The following KCNAB1 variants were observed in gnomAD, a reference collection of about 807,000 sequenced individuals.
KCNAB1 encodes voltage-gated potassium channel subunit beta-1.
KCNAB1 carries 35 observed loss-of-function variants against 64.6 expected under a neutral mutation model. The ratio of observed to expected loss-of-function variants is 0.54; its 90% CI spans 0.41 to 0.72. The LOEUF (loss-of-function observed/expected upper bound fraction) is 0.72. KCNAB1 is among the 30% of genes least tolerant of loss of function. The pLI is 0.00. For synonymous variants in KCNAB1, 177 were observed against 183.8 expected, an observed-to-expected ratio of 0.96 and a Z score of 0.30; for missense variants, 401 against 512.9, an observed-to-expected ratio of 0.78 and a Z score of 2.11.
intron 13 of KCNAB1, among the ~76,000 whole-genome samples, chr3:156,536,219 A>G (rs1000118655): frequency 6.6e-6 from 1 of 152,220 alleles, no homozygotes; most frequent in Non-Finnish European, 1.5e-5. Context: ...ATGTGCTTTA[A>G]GTGTAACATG....
chr3:156,369,078 C>A (rs1726138418), intron 1 of KCNAB1, among the ~76,000 whole-genome samples: 1 of 152,182 alleles, frequency 6.6e-6, no homozygotes, highest in Admixed American at 6.5e-5. Flanking sequence ...CCACTGCCTC[C>A]CTAGAAGATT....
At chr3:156,241,469 A>G (rs78116938) in intron 1 of KCNAB1, among the ~76,000 whole-genome samples, 11,831 of 152,226 alleles carry the variant, frequency 0.078, 1,133 homozygotes, top group African/African-American at 0.22. Context: ...CTGTGCTGTC[A>G]TCTCAGGAAT....
At chr3:156,306,053 A>C (rs1560185867) in intron 1 of KCNAB1, among the ~76,000 whole-genome samples, 1 of 152,268 alleles carries the variant, frequency 6.6e-6, no homozygotes, top group Non-Finnish European at 1.5e-5. Context: ...AGTAGTGAAC[A>C]GATCAAGTAA....
chr3:156,202,829 TTAC>T (rs1208762721), intron 1 of KCNAB1, among the ~76,000 whole-genome samples: 4 of 152,234 alleles, frequency 2.6e-5, no homozygotes, highest in Admixed American at 6.5e-5. Flanking sequence ...CTTATTTAGA[TTAC>T]TACTAATAAC....
At chr3:156,302,948 G>A (rs983641597) in intron 1 of KCNAB1, among the ~76,000 whole-genome samples, 1 of 152,156 alleles carries the variant, frequency 6.6e-6, no homozygotes, top group African/African-American at 2.4e-5. Flanking sequence ...ATGAAGCAGC[G>A]CATTCCCAGT....
At chr3:156,198,293 G>A (rs1714089202) in intron 1 of KCNAB1, among the ~76,000 whole-genome samples, 1 of 152,172 alleles carries the variant, frequency 6.6e-6, no homozygotes, top group South Asian at 2.1e-4. Flanking sequence ...TTCTGTAGAT[G>A]TCTATTAGGT....
chr3:156,322,813 A>G (rs1270725033), intron 1 of KCNAB1, among the ~76,000 whole-genome samples: 2 of 152,306 alleles, frequency 1.3e-5, no homozygotes, highest in Non-Finnish European at 2.9e-5. Context: ...AGACGGAGGC[A>G]TTACTGACTG....
At chr3:156,139,591 T>TTG (rs2108276733) in intron 1 of KCNAB1, among the ~76,000 whole-genome samples, 1 of 144,854 alleles carries the variant, frequency 6.9e-6, no homozygotes, top group Admixed American at 6.9e-5. Context: ...TGTGTTTTTT[T>TTG]TTTTTTTTTT....
chr3:156,342,832 A>C (rs138914101), intron 1 of KCNAB1, among the ~76,000 whole-genome samples: 1 of 151,988 alleles, frequency 6.6e-6, no homozygotes, highest in East Asian at 1.9e-4. Context: ...TCAAGAGGGA[A>C]GTCCAATGGG....
intron 1 of KCNAB1, among the ~76,000 whole-genome samples, chr3:156,360,497 G>C (rs1275649282): frequency 6.6e-6 from 1 of 152,070 alleles, no homozygotes; most frequent in African/African-American, 2.4e-5. Context: ...ATCGCTTGAG[G>C]CCAGGAGTTT....
At chr3:156,214,568 T>G (rs1412535754) in intron 1 of KCNAB1, among the ~76,000 whole-genome samples, 1 of 152,224 alleles carries the variant, frequency 6.6e-6, no homozygotes. Flanking sequence ...CTTTCCTTTT[T>G]GGAAGATGGA....
intron 1 of KCNAB1, among the ~76,000 whole-genome samples, chr3:156,182,634 C>CCCA (rs1553815375): frequency 8.6e-5 from 13 of 151,794 alleles, no homozygotes; most frequent in Middle Eastern, 3.4e-3. Context: ...TTTTTTCCCC[C>CCCA]CCCCGGGTCT....
intron 1 of KCNAB1, among the ~76,000 whole-genome samples, chr3:156,123,846 T>C (rs1713493023): frequency 6.6e-6 from 1 of 152,232 alleles, no homozygotes; most frequent in Non-Finnish European, 1.5e-5. Flanking sequence ...TAAAATTTTT[T>C]TTCTGTTTAC....
intron 1 of KCNAB1, among the ~76,000 whole-genome samples, chr3:156,165,113 C>T (rs1392961992): frequency 6.6e-6 from 1 of 151,264 alleles, no homozygotes; most frequent in African/African-American, 2.4e-5. Flanking sequence ...CCCGTCGCTA[C>T]TAAAAATACA....
intron 1 of KCNAB1, among the ~76,000 whole-genome samples, chr3:156,348,881 C>A (rs1260915588): frequency 1.3e-5 from 2 of 152,132 alleles, no homozygotes; most frequent in African/African-American, 4.8e-5. Context: ...TAGGGAGAAT[C>A]CTCTGGACCC....
chr3:156,398,720 A>G (rs1226481395), intron 1 of KCNAB1, among the ~76,000 whole-genome samples: 1 of 151,460 alleles, frequency 6.6e-6, no homozygotes, highest in African/African-American at 2.4e-5. Flanking sequence ...CCAGAACTTA[A>G]AGTTATATAT....
intron 1 of KCNAB1, among the ~76,000 whole-genome samples, chr3:156,200,820 G>A (rs760995618): frequency 4.6e-5 from 7 of 152,182 alleles, no homozygotes; most frequent in Non-Finnish European, 1.0e-4. Context: ...CGGAGTGAAT[G>A]GTTCTGTTTT....
chr3:156,443,267 A>C (rs183372056), intron 2 of KCNAB1, among the ~76,000 whole-genome samples: 48 of 152,300 alleles, frequency 3.2e-4, no homozygotes, highest in Non-Finnish European at 5.9e-5. Flanking sequence ...GAAGCTTATC[A>C]TAAGGAAGGA....
At chr3:156,172,850 G>A (rs1032473929) in intron 1 of KCNAB1, among the ~76,000 whole-genome samples, 2 of 152,142 alleles carry the variant, frequency 1.3e-5, no homozygotes, top group Non-Finnish European at 2.9e-5. Context: ...AGAGAGCCCA[G>A]GGCATCTAAT....
Sources: gnomAD v4.1 joint callset for allele counts (sites outside exome capture counted in the v4.1 genomes callset) on GRCh38, gnomAD v4.1.1 for gene constraint, MANE v1.5 for transcripts, NCBI Gene and HGNC (gene_info 2026-07-23, HGNC 2026-07-21) for gene names.